Variants in DPP10 observed in about 807,000 individuals in gnomAD.
The protein encoded by DPP10 is inactive dipeptidyl peptidase 10.
DPP10 carries 33 observed loss-of-function variants against 120.9 expected under a neutral mutation model. That is an observed-to-expected ratio of 0.27 (90% CI 0.21 to 0.37). DPP10 has a LOEUF of 0.37. Among genes scored for constraint, DPP10 ranks in the 10% least tolerant of loss-of-function variants. The probability of loss-of-function intolerance (pLI) is 1.00; values close to 1 mark genes in which losing one functional copy is unlikely to be tolerated. For synonymous variants in DPP10, 337 were observed against 326.1 expected (o/e 1.03, Z -0.36); for missense variants, 816 against 942.8 (o/e 0.87, Z 1.76).
chr2:115,827,414 G>GTA (rs70941101), intron 21 of DPP10, among the ~76,000 whole-genome samples: 904 of 75,424 alleles, frequency 0.012, 18 homozygotes, highest in South Asian at 0.034. Context: ...ATGTGTGTGT[G>GTA]TATATATATA....
At chr2:114,928,017 T>C (rs1382944162) in intron 1 of DPP10, among the ~76,000 whole-genome samples, 3 of 152,174 alleles carry the variant, frequency 2.0e-5, no homozygotes, top group Non-Finnish European at 4.4e-5. Flanking sequence ...GGTATTCACA[T>C]AGGATCCACC....
At chr2:114,601,020 C>T (rs545910101) in intron 1 of DPP10, among the ~76,000 whole-genome samples, 3 of 151,940 alleles carry the variant, frequency 2.0e-5, no homozygotes, top group Admixed American at 1.3e-4. Context: ...CCCAACTTAC[C>T]TTAGAAGGCT....
At chr2:114,453,839 T>G (rs1278899986) in intron 1 of DPP10, among the ~76,000 whole-genome samples, 1 of 152,242 alleles carries the variant, frequency 6.6e-6, no homozygotes, top group Admixed American at 6.5e-5. Context: ...TCTGATATTT[T>G]GTCTATCCAT....
At chr2:115,273,423 G>A (rs558665777) in intron 1 of DPP10, among the ~76,000 whole-genome samples, 12 of 152,146 alleles carry the variant, frequency 7.9e-5, no homozygotes, top group South Asian at 4.2e-4. Flanking sequence ...TGCAAACTCC[G>A]CCTCCCGGGT....
intron 1 of DPP10, among the ~76,000 whole-genome samples, chr2:115,260,395 A>T (rs2059200629): frequency 6.6e-6 from 1 of 152,136 alleles, no homozygotes; most frequent in Non-Finnish European, 1.5e-5. Context: ...AAACCAAGAA[A>T]CGTGAAGATC....
intron 1 of DPP10, among the ~76,000 whole-genome samples, chr2:115,256,164 G>C (rs556900052): frequency 1.3e-4 from 20 of 152,316 alleles, no homozygotes; most frequent in African/African-American, 4.8e-4. Context: ...TTACAATCAT[G>C]ATGGAAGGGG....
intron 22 of DPP10, 91 bp downstream of exon 22, chr2:115,836,347 T>G: frequency 7.2e-7 from 1 of 1,383,960 alleles, no homozygotes. Context: ...AGCTCATTTA[T>G]CATATGTTAT....
intron 3 of DPP10, among the ~76,000 whole-genome samples, chr2:115,469,822 C>T (rs769050082): frequency 9.7e-5 from 14 of 143,618 alleles, no homozygotes; most frequent in South Asian, 2.3e-4. Context: ...CACTTGAATC[C>T]GGGAGGTGGA....
At chr2:115,814,649 C>A in intron 19 of DPP10, 144 bp from the exon 20 acceptor site, 1 of 552,860 alleles carries the variant, frequency 1.8e-6, no homozygotes, top group Non-Finnish European at 2.8e-6. Context: ...GTAATTTTAC[C>A]TTCAGGTTTA....
At chr2:115,400,390 C>G (rs543585550) in intron 3 of DPP10, among the ~76,000 whole-genome samples, 1 of 151,938 alleles carries the variant, frequency 6.6e-6, no homozygotes, top group Non-Finnish European at 1.5e-5. Context: ...GGACTTCTAG[C>G]TTTGGCAGCA....
intron 1 of DPP10, among the ~76,000 whole-genome samples, chr2:115,134,494 G>A (rs926878909): frequency 3.3e-5 from 5 of 152,116 alleles, no homozygotes; most frequent in East Asian, 1.9e-4. Context: ...TGAGTGAGGA[G>A]GAAGTCAGGT....
At chr2:114,872,146 G>C (rs1558829220) in intron 1 of DPP10, among the ~76,000 whole-genome samples, 1 of 152,114 alleles carries the variant, frequency 6.6e-6, no homozygotes, top group Non-Finnish European at 1.5e-5. Flanking sequence ...CCAAGACTCG[G>C]TAATTTATAA....
At chr2:114,847,889 C>T (rs1271173208) in intron 1 of DPP10, among the ~76,000 whole-genome samples, 2 of 151,896 alleles carry the variant, frequency 1.3e-5, no homozygotes, top group Non-Finnish European at 2.9e-5. Flanking sequence ...TTGCGTGTAC[C>T]CACCAATAAT....
intron 19 of DPP10, among the ~76,000 whole-genome samples, chr2:115,802,653 G>A (rs1032824964): frequency 2.0e-4 from 31 of 152,134 alleles, no homozygotes; most frequent in African/African-American, 7.5e-4. Flanking sequence ...TTGGTTTCAA[G>A]GAACATCTTT....
intron 5 of DPP10, among the ~76,000 whole-genome samples, chr2:115,672,678 TTC>T (rs74576698): frequency 2.1e-4 from 3 of 14,482 alleles, no homozygotes; most frequent in South Asian, 0.012. Flanking sequence ...CTCTCTTTCT[TTC>T]TCTTTCTTTC....
At chr2:115,141,898 C>T (rs1001024086) in intron 1 of DPP10, among the ~76,000 whole-genome samples, 1 of 152,108 alleles carries the variant, frequency 6.6e-6, no homozygotes, top group African/African-American at 2.4e-5. Flanking sequence ...CTCAGCCTCC[C>T]GTGTAGGGGG....
At chr2:114,705,200 C>T (rs556191068) in intron 1 of DPP10, among the ~76,000 whole-genome samples, 1 of 152,162 alleles carries the variant, frequency 6.6e-6, no homozygotes, top group African/African-American at 2.4e-5. Context: ...ATAGACCCAA[C>T]TGGAGAGCCA....
At chr2:115,675,750 G>GA (rs1427728914) in intron 5 of DPP10, among the ~76,000 whole-genome samples, 2 of 151,972 alleles carry the variant, frequency 1.3e-5, no homozygotes, top group Non-Finnish European at 1.5e-5. Flanking sequence ...TTATCCCAGA[G>GA]AAAAAAAATT....
intron 1 of DPP10, among the ~76,000 whole-genome samples, chr2:114,746,897 A>G (rs1040457220): frequency 2.0e-5 from 3 of 152,174 alleles, no homozygotes; most frequent in Admixed American, 2.0e-4. Flanking sequence ...AAAATCAGAA[A>G]AACAAAACCT....
Sources: gnomAD v4.1 joint callset for allele counts (sites outside exome capture counted in the v4.1 genomes callset) on GRCh38, gnomAD v4.1.1 for gene constraint, MANE v1.5 for transcripts, NCBI Gene and HGNC (gene_info 2026-07-23, HGNC 2026-07-21) for gene names.